The following RAMP1 variants were observed in gnomAD, a reference collection of about 807,000 sequenced individuals.
RAMP1 encodes receptor activity-modifying protein 1.
RAMP1 carries 7 observed loss-of-function variants against 8.2 expected under a neutral mutation model. The observed-to-expected ratio is 0.85, with a 90% CI of 0.49 to 1.60. The LOEUF (loss-of-function observed/expected upper bound fraction) is 1.60. RAMP1 is among the 40% of genes most tolerant of loss of function. The pLI is 0.00. For missense variants in RAMP1, 192 were observed against 202.4 expected (o/e 0.95, Z 0.31); for synonymous variants, 92 against 84.7 (o/e 1.09, Z -0.47).
Position 237,877,211 on chromosome 2 carries a change from G to A in RAMP1, c.53-13G>A, listed in dbSNP as rs199917306. On this transcript the variant is annotated splice_polypyrimidine_tract_variant and intron_variant, in intron 1 of 2. Transcript: ENST00000254661. This position sits in a 1 kb window ranked among gnomAD's most constrained non-coding sequence, Gnocchi z 4.4. ...TGCCGCCCGCCATCTCTTCATGGCC[G>A]TGTCTATTTCAGCCCATCACCTCTT... The A allele has an allele frequency of 1.6e-4, 251 of 1,613,614 alleles. No homozygotes were observed. Among genetic ancestry groups the A allele is most frequent in the Admixed American group, 3.7e-4 (22 of 60,018 alleles).
intron 2 of RAMP1, among the ~76,000 whole-genome samples, chr2:237,888,527 ATGTCTT>A (rs1285062141): frequency 8.5e-5 from 13 of 152,170 alleles, no homozygotes; most frequent in Non-Finnish European, 1.2e-4. Flanking sequence ...TTTAGTTTGC[ATGTCTT>A]TGGCAATTAG....
chr2:237,887,329 TGTG>T (rs2062444095), intron 2 of RAMP1, among the ~76,000 whole-genome samples: 1 of 152,198 alleles, frequency 6.6e-6, no homozygotes, highest in South Asian at 2.1e-4. Flanking sequence ...CTCAGTCCCC[TGTG>T]GGAGGGCCTC....
intron 1 of RAMP1, among the ~76,000 whole-genome samples, chr2:237,872,435 G>A (rs774704983): frequency 6.6e-6 from 1 of 152,188 alleles, no homozygotes; most frequent in Non-Finnish European, 1.5e-5. Context: ...AGCCCCCGAA[G>A]CCTCTCCTGG....
intron 2 of RAMP1, among the ~76,000 whole-genome samples, chr2:237,892,749 C>CAT (rs1399455060): frequency 6.6e-6 from 1 of 151,530 alleles, no homozygotes; most frequent in Non-Finnish European, 1.5e-5. Flanking sequence ...CTCTCTCTCT[C>CAT]TCTCTCTCTT....
At chr2:237,859,898 C>A in intron 1 of RAMP1, 171 bp downstream of exon 1, 1 of 593,496 alleles carries the variant, frequency 1.7e-6, no homozygotes. Context: ...AGGCGGGAGG[C>A]CCCAGGGCAC....
At chr2:237,901,142 C>T (rs2062593002) in intron 2 of RAMP1, among the ~76,000 whole-genome samples, 1 of 152,252 alleles carries the variant, frequency 6.6e-6, no homozygotes, top group African/African-American at 2.4e-5. Flanking sequence ...CCGGCCTGGG[C>T]CAGGTCTGCT....
intron 1 of RAMP1, among the ~76,000 whole-genome samples, chr2:237,866,474 G>C (rs1215839411): frequency 6.6e-6 from 1 of 152,106 alleles, no homozygotes; most frequent in South Asian, 2.1e-4. Flanking sequence ...GTCGTACTGT[G>C]TTGGAGAGTG....
Position 237,911,421 on chromosome 2 carries a change from C to G in RAMP1, c.192-107C>G, listed in dbSNP as rs2151025879. Reference sequence around the variant, plus strand: ...CCTCGGCGTCGGGGCTTCTCCGAGCCAAGCTTCAGGGCTGCATGAGGGGCC... The same window carrying G: ...CCTCGGCGTCGGGGCTTCTCCGAGCGAAGCTTCAGGGCTGCATGAGGGGCC... On this transcript the variant is annotated intron_variant, in intron 2 of 2. Coordinates refer to ENST00000254661, the MANE Select transcript of RAMP1 (RefSeq NM_005855.4). 4 of 1,469,066 alleles carry G rather than the reference C, an allele frequency of 2.7e-6. No homozygotes were observed. In the East Asian group the frequency reaches 9.4e-5, roughly 34 times the overall value. 91.0% of individuals were successfully genotyped at this position (1,469,066 alleles called of 1,614,324 possible).
intron 2 of RAMP1, among the ~76,000 whole-genome samples, chr2:237,910,450 AAC>A (rs1449015944): frequency 2.0e-5 from 3 of 150,562 alleles, no homozygotes; most frequent in Non-Finnish European, 4.4e-5. Flanking sequence ...CTCAGAGAAT[AAC>A]AGTCACACAC....
intron 1 of RAMP1, among the ~76,000 whole-genome samples, chr2:237,860,207 G>C (rs371824835): frequency 6.6e-6 from 1 of 152,348 alleles, no homozygotes; most frequent in African/African-American, 2.4e-5. Context: ...AACCACAGCC[G>C]GTTTGTATGG....
chr2:237,880,075 C>G (rs1274889383), intron 2 of RAMP1, among the ~76,000 whole-genome samples: 1 of 151,960 alleles, frequency 6.6e-6, no homozygotes, highest in African/African-American at 2.4e-5. Flanking sequence ...GCACGTCAGC[C>G]CAGGCCTGCC....
chr2:237,876,633 A>G (rs1210612363), intron 1 of RAMP1, among the ~76,000 whole-genome samples: 1 of 151,294 alleles, frequency 6.6e-6, no homozygotes, highest in African/African-American at 2.5e-5. Flanking sequence ...ACCAAGGGCC[A>G]TGCTCTCCCC....
At chr2:237,871,384 G>C (rs917452593) in intron 1 of RAMP1, among the ~76,000 whole-genome samples, 3 of 152,156 alleles carry the variant, frequency 2.0e-5, no homozygotes, top group African/African-American at 7.2e-5. Flanking sequence ...CACAGGAAAC[G>C]CCAGGCCATG....
At chr2:237,876,438 T>TG (rs1453888066) in intron 1 of RAMP1, among the ~76,000 whole-genome samples, 2 of 151,706 alleles carry the variant, frequency 1.3e-5, no homozygotes, top group Non-Finnish European at 2.9e-5. Context: ...GGGGTGGGGC[T>TG]GGGGGTCCCC....
At chr2:237,866,127 C>T (rs868226185) in intron 1 of RAMP1, among the ~76,000 whole-genome samples, 1 of 152,104 alleles carries the variant, frequency 6.6e-6, no homozygotes, top group African/African-American at 2.4e-5. Flanking sequence ...GCTCGAGAAA[C>T]AGCAGTCTGT....
At chr2:237,890,512 T>C (rs1201726200) in intron 2 of RAMP1, among the ~76,000 whole-genome samples, 1 of 152,248 alleles carries the variant, frequency 6.6e-6, no homozygotes, top group African/African-American at 2.4e-5. Context: ...AGAAATAATT[T>C]GTGATGTGAG....
chr2:237,907,236 T>C (rs1584243), intron 2 of RAMP1, among the ~76,000 whole-genome samples: 133,732 of 152,146 alleles, frequency 0.88, 58,885 homozygotes, highest in African/African-American at 0.92. Context: ...CCTTTTTCTT[T>C]GGTGCTCAGC....
chr2:237,862,573 C>T lies in RAMP1; in HGVS notation c.52+2846C>T, dbSNP rs1369290405. Among the ~76,000 whole-genome samples, 1 of 152,186 alleles carries T rather than the reference C, an allele frequency of 6.6e-6. No homozygotes were observed. Among genetic ancestry groups the T allele is most frequent in the Non-Finnish European group, 1.5e-5 (1 of 68,038 alleles). The stretch of plus-strand genomic sequence containing the variant: ...ATGCGCCCATTTCATAGCTTCTAAT[C>T]AGTTACAACTGGCGTCTGGCTGACT... On this transcript the variant is annotated intron_variant, in intron 1 of 2. Transcript: ENST00000254661. This position sits in a 1 kb window ranked among gnomAD's most constrained non-coding sequence, Gnocchi z 4.0.
chr2:237,864,138 CAG>C (rs1358839231), intron 1 of RAMP1, among the ~76,000 whole-genome samples: 1 of 149,280 alleles, frequency 6.7e-6, no homozygotes, highest in Non-Finnish European at 1.5e-5. Context: ...GGAGGGGAGG[CAG>C]AGTGACCTGG....
Sources: gnomAD v4.1 joint callset for allele counts (sites outside exome capture counted in the v4.1 genomes callset) on GRCh38, gnomAD v4.1.1 for gene constraint, Gnocchi (gnomAD v3.1) non-coding constraint, MANE v1.5 for transcripts, NCBI Gene and HGNC (gene_info 2026-07-23, HGNC 2026-07-21) for gene names.